Variants in CD46 observed in about 807,000 individuals in gnomAD.
CD46 encodes the protein membrane cofactor protein.
A neutral mutation model predicts 53.3 loss-of-function variants in CD46; 30 were observed. That is an observed-to-expected ratio of 0.56 (90% CI 0.42 to 0.76). CD46 has a LOEUF of 0.76. CD46 is among the 30% of genes least tolerant of loss of function. CD46 has a pLI of 0.00. For missense variants in CD46, 409 were observed against 463.0 expected (o/e 0.88, Z 1.07); for synonymous variants, 142 against 152.0 (o/e 0.93, Z 0.48).
rs558417542 is a variant in CD46, at chr1:207,777,904, A to G, written c.944-5388A>G. 5.9e-5 allele frequency among the ~76,000 whole-genome samples: 9 copies of G among 152,336 alleles called. No individual in the cohort carries two copies. In the South Asian group the frequency reaches 1.9e-3, roughly 32 times the overall value. On this transcript the variant is annotated intron_variant, in intron 8 of 12. Coordinates refer to ENST00000367042, the MANE Select transcript of CD46 (RefSeq NM_172351.3). ...GGTGGAACTAAATTACACTCCCACG[A>G]ACAGCATATAAGTGTTCCCTTTTCT...
chr1:207,765,974 A>G (rs554092315), intron 5 of CD46, among the ~76,000 whole-genome samples: 1 of 152,346 alleles, frequency 6.6e-6, no homozygotes, highest in African/African-American at 2.4e-5. Context: ...CAGCAATAAA[A>G]AGGAATGAAC....
At chr1:207,787,187 C>A (rs1265062624) in intron 11 of CD46, among the ~76,000 whole-genome samples, 1 of 152,138 alleles carries the variant, frequency 6.6e-6, no homozygotes, top group African/African-American at 2.4e-5. Flanking sequence ...TTCTCTGCCT[C>A]AGCCTCACGA....
chr1:207,754,209 T>G (rs1358386254), intron 1 of CD46, among the ~76,000 whole-genome samples: 2 of 152,188 alleles, frequency 1.3e-5, no homozygotes. Context: ...AACAAATGAT[T>G]GGAGAGAGGG....
At chr1:207,763,872 A>T (rs1656531827) in intron 5 of CD46, among the ~76,000 whole-genome samples, 1 of 144,394 alleles carries the variant, frequency 6.9e-6, no homozygotes, top group African/African-American at 2.6e-5. Flanking sequence ...TATACTTTAA[A>T]TTTGTGTGCA....
chr1:207,784,961 T>C, intron 9 of CD46, 110 bp from the exon 10 acceptor site: 2 of 877,458 alleles, frequency 2.3e-6, no homozygotes, highest in Non-Finnish European at 3.8e-6. Context: ...CAAGATGAGA[T>C]TTGGGTGGGG....
intron 8 of CD46, among the ~76,000 whole-genome samples, chr1:207,780,635 T>C (rs1658644454): frequency 6.6e-6 from 1 of 152,156 alleles, no homozygotes; most frequent in Non-Finnish European, 1.5e-5. Context: ...GCATACTGTA[T>C]TCCACAGTGG....
chr1:207,785,270 G>T (rs970068899), intron 10 of CD46, among the ~76,000 whole-genome samples, 164 bp downstream of exon 10: 1 of 152,146 alleles, frequency 6.6e-6, no homozygotes, highest in Non-Finnish European at 1.5e-5. Flanking sequence ...TACCTACCTT[G>T]TGTTAGTGAT....
At chr1:207,788,021 T>C (rs934456590) in intron 11 of CD46, among the ~76,000 whole-genome samples, 15 of 152,178 alleles carry the variant, frequency 9.9e-5, no homozygotes, top group Non-Finnish European at 1.6e-4. Context: ...GTGCCTGGGC[T>C]ACACTGACCA....
At chr1:207,787,229 A>G (rs1659354165) in intron 11 of CD46, among the ~76,000 whole-genome samples, 1 of 152,024 alleles carries the variant, frequency 6.6e-6, no homozygotes, top group African/African-American at 2.4e-5. Flanking sequence ...CACCACCACC[A>G]CCGGCTAATT....
chr1:207,761,565 T>A, intron 5 of CD46, 119 bp downstream of exon 5: 1 of 801,550 alleles, frequency 1.2e-6, no homozygotes, highest in Non-Finnish European at 2.1e-6. Context: ...TATAATTGGT[T>A]TCTAATTTAT....
At chr1:207,782,145 T>TTA (rs1443153553) in intron 8 of CD46, among the ~76,000 whole-genome samples, 1 of 152,188 alleles carries the variant, frequency 6.6e-6, no homozygotes, top group African/African-American at 2.4e-5. Context: ...CCTCCTTAGT[T>TTA]TATTCCTAAG....
intron 1 of CD46, among the ~76,000 whole-genome samples, chr1:207,755,735 G>C (rs1655462529): frequency 2.0e-5 from 3 of 152,176 alleles, no homozygotes. Context: ...GTCCATATCT[G>C]GTCACCTGCC....
Position 207,767,808 on chromosome 1 carries a change from G to A in CD46, c.886G>A (p.Ala296Thr), listed in dbSNP as rs200872543. 41 of 1,611,442 alleles carry A rather than the reference G, an allele frequency of 2.5e-5. No homozygotes were observed. Among genetic ancestry groups the A allele is most frequent in the Non-Finnish European group, 3.4e-5 (40 of 1,177,716 alleles). ...GACTTCTTCCACTACAAAATCTCCA[G>A]CGTCCAGTGCCTCAGGTTTAGTAAT... ...VSTSSTTKSP[A>T]SSASGPRPTY... The change falls in exon 7 of 13, where the codon GCG becomes ACG. Residue 296 changes from alanine to threonine, a missense_variant. By Grantham distance (58) the Ala-to-Thr change is moderately conservative. Coordinates refer to ENST00000367042, the MANE Select transcript of CD46 (RefSeq NM_172351.3).
chr1:207,791,379 C>G (rs1048980651), intron 12 of CD46, among the ~76,000 whole-genome samples: 1 of 152,222 alleles, frequency 6.6e-6, no homozygotes, highest in Non-Finnish European at 1.5e-5. Context: ...ATGCCAGCAT[C>G]ACTACTCTTG....
At chr1:207,777,225 A>G (rs1391344887) in intron 8 of CD46, among the ~76,000 whole-genome samples, 1 of 152,224 alleles carries the variant, frequency 6.6e-6, no homozygotes, top group Non-Finnish European at 1.5e-5. Context: ...AAACATTACA[A>G]AAGTATATAG....
chr1:207,761,532 G>A (rs1656214346), intron 5 of CD46, 86 bp downstream of exon 5: 2 of 1,059,976 alleles, frequency 1.9e-6, no homozygotes, highest in Non-Finnish European at 2.9e-6. Context: ...AAACAAAGCA[G>A]GTGTATGTGC....
chr1:207,758,651 A>T (rs35677203), intron 3 of CD46, among the ~76,000 whole-genome samples: 7,484 of 152,318 alleles, frequency 0.049, 278 homozygotes, highest in Non-Finnish European at 0.077. Context: ...GAGACAAACC[A>T]GATTCAAACA....
chr1:207,793,058 G>A (rs113536382), intron 12 of CD46, among the ~76,000 whole-genome samples: 1 of 152,168 alleles, frequency 6.6e-6, no homozygotes, highest in African/African-American at 2.4e-5. Context: ...GTAAACTTTA[G>A]TTATTTAGGA....
rs1474097316 is a variant in CD46 at position 207,785,752 on chromosome 1, GT to G, written c.1082+73del. 4.1e-6 allele frequency: 4 copies of G among 981,048 alleles called. No individual in the cohort carries two copies. The African/African-American group carries it at 6.5e-5, about 16-fold the overall frequency. The allele number at this position is 981,048 out of a possible 1,614,324, so 60.8% of individuals were successfully genotyped here. A position where few individuals can be genotyped will look rare whatever the true frequency, so the allele number is the denominator to read the frequency against. ...CTTAACATGCTTTTGTGCAGCTTCA[GT>G]TTGTAATCTGTATTGCATGCTATCT... On this transcript the variant is annotated intron_variant, in intron 11 of 12. Transcript: ENST00000367042.
Sources: allele counts gnomAD v4.1 joint callset (sites outside exome capture counted in the v4.1 genomes callset), GRCh38; gene constraint gnomAD v4.1.1; transcripts MANE v1.5; gene names NCBI Gene and HGNC (gene_info 2026-07-23, HGNC 2026-07-21).